SCN3A: variants seen among roughly 807,000 people sequenced by gnomAD.
The protein encoded by SCN3A is sodium channel protein type 3 subunit alpha.
SCN3A carries 60 observed loss-of-function variants against 187.6 expected under a neutral mutation model. The ratio of observed to expected loss-of-function variants is 0.32; its 90% CI spans 0.26 to 0.40. The LOEUF (loss-of-function observed/expected upper bound fraction) is 0.40, where lower values mean the gene tolerates loss of function less well. Ranked by LOEUF, SCN3A falls within the 10% of genes least tolerant of loss-of-function variation. The probability of loss-of-function intolerance (pLI) is 1.00; values close to 1 mark genes in which losing one functional copy is unlikely to be tolerated. For synonymous variants in SCN3A, 788 were observed against 829.2 expected, an observed-to-expected ratio of 0.95 and a Z score of 0.85; for missense variants, 1,601 against 2,428.2, an observed-to-expected ratio of 0.66 and a Z score of 7.16.
intron 18 of SCN3A, among the ~76,000 whole-genome samples, chr2:165,124,369 T>C (rs1465185710): frequency 6.6e-6 from 1 of 152,150 alleles, no homozygotes; most frequent in East Asian, 1.9e-4. Context: ...AATTAAGATA[T>C]TTACTTTCCA....
rs776441801 is a variant in SCN3A at position 165,090,833 on chromosome 2, A to G, written c.5320T>C (p.Phe1774Leu). The G allele has an allele frequency of 6.2e-7, 1 of 1,614,084 alleles. No individual in the cohort carries two copies. Among genetic ancestry groups the G allele is most frequent in the Admixed American group, 1.7e-5 (1 of 60,000 alleles). The part of the protein sequence containing the change: ...NMYIAVILEN[F>L]SVATEESAEP... ...GCACTTTCTTCAGTAGCAACACTGA[A>G]GTTCTCCAGGATGACCGCGATGTAC... The change falls in exon 28 of 28, where the codon TTC becomes CTC. Residue 1774 changes from phenylalanine to leucine, a missense_variant. This residue lies in a region of SCN3A where 3 missense variants were observed against 32.4 expected (regional missense o/e 0.09). Coordinates refer to ENST00000283254, the MANE Select transcript of SCN3A (RefSeq NM_006922.4). This position sits in a 1 kb window ranked among gnomAD's most constrained non-coding sequence, Gnocchi z 4.0.
At chr2:165,149,454 C>T (rs548533139) in intron 11 of SCN3A, among the ~76,000 whole-genome samples, 8 of 152,270 alleles carry the variant, frequency 5.3e-5, no homozygotes, top group South Asian at 2.1e-4. Flanking sequence ...GGATTACAGG[C>T]GCGAGCCACC....
In SCN3A at chr2:165,137,895, A is replaced by G; in HGVS notation, c.2375T>C (p.Leu792Ser). The G allele has an allele frequency of 6.2e-7, 1 of 1,612,276 alleles. No individual in the cohort carries two copies. Among genetic ancestry groups the G allele is most frequent in the Non-Finnish European group, 8.5e-7 (1 of 1,178,416 alleles). The change falls in exon 15 of 28, where the codon TTG (leucine) becomes TCG (serine). Residue 792 changes from leucine (L) to serine (S), a missense_variant. By Grantham distance (145) the Leu-to-Ser change is moderately radical. This residue lies in a region of SCN3A where 376 missense variants were observed against 476.0 expected (regional missense o/e 0.79). Coordinates refer to ENST00000283254, the MANE Select transcript of SCN3A (RefSeq NM_006922.4). ...TGTACTTACCAGGTTTCCTACAGTC[A>G]ACACACTACTGAATTGCTCAGTCAT... ...YPMTEQFSSV[L>S]TVGNLVFTGI... is the part of the protein sequence containing the mutation.
At chr2:165,096,927 G>A (rs1237243440) in intron 23 of SCN3A, among the ~76,000 whole-genome samples, 1 of 152,012 alleles carries the variant, frequency 6.6e-6, no homozygotes, top group Non-Finnish European at 1.5e-5. Flanking sequence ...AATATGCATT[G>A]TTATTTTAGT....
chr2:165,194,597 A>C (rs1691826821), intron 1 of SCN3A, among the ~76,000 whole-genome samples: 1 of 152,132 alleles, frequency 6.6e-6, no homozygotes, highest in African/African-American at 2.4e-5. Flanking sequence ...TATAACTTGA[A>C]GATCAGTTGC....
At chr2:165,107,018 A>T (rs577261027) in intron 21 of SCN3A, among the ~76,000 whole-genome samples, 5 of 152,182 alleles carry the variant, frequency 3.3e-5, no homozygotes, top group Non-Finnish European at 7.4e-5. Flanking sequence ...AGAAAGGCTG[A>T]AGATGACATC....
At chr2:165,187,412 C>T (rs1691313460) in intron 1 of SCN3A, among the ~76,000 whole-genome samples, 3 of 152,094 alleles carry the variant, frequency 2.0e-5, no homozygotes, top group Admixed American at 1.3e-4. Context: ...TTTCAAAGGG[C>T]AATATATATA....
chr2:165,152,426 T>C (rs1688739724), intron 11 of SCN3A, among the ~76,000 whole-genome samples: 1 of 152,150 alleles, frequency 6.6e-6, no homozygotes, highest in Non-Finnish European at 1.5e-5. Flanking sequence ...AAAGAAAAGA[T>C]AATTGACTTG....
At chr2:165,134,291 G>T (rs1032755076) in intron 15 of SCN3A, among the ~76,000 whole-genome samples, 14 of 152,192 alleles carry the variant, frequency 9.2e-5, no homozygotes, top group Admixed American at 5.2e-4. Context: ...TACTCTTGCA[G>T]AAAATCTTTT....
chr2:165,193,047 TTTC>T (rs1691711988), intron 1 of SCN3A, among the ~76,000 whole-genome samples: 1 of 151,926 alleles, frequency 6.6e-6, no homozygotes, highest in South Asian at 2.1e-4. Context: ...ATCTTATTGT[TTTC>T]TTTTTTTGAT....
chr2:165,149,127 A>G (rs1452349946), intron 11 of SCN3A, among the ~76,000 whole-genome samples: 3 of 152,130 alleles, frequency 2.0e-5, no homozygotes, highest in East Asian at 1.9e-4. Flanking sequence ...AGTGGTGGTA[A>G]TAGTCCCTTA....
At chr2:165,141,926 T>C (rs1288808101) in intron 12 of SCN3A, among the ~76,000 whole-genome samples, 1 of 152,220 alleles carries the variant, frequency 6.6e-6, no homozygotes, top group African/African-American at 2.4e-5. Flanking sequence ...AGCAAACTAT[T>C]TCCTAGTACC....
rs1020524034 is a variant in SCN3A at position 165,131,648 on chromosome 2, TGTGCAGGTTA to T, written c.2392-241_2392-232del. On this transcript the variant is annotated intron_variant, in intron 15 of 27. Coordinates refer to ENST00000283254, the MANE Select transcript of SCN3A (RefSeq NM_006922.4). ...TAAGTTTGAGGGTACATGTGTACAA[TGTGCAGGTTA>T]GTTACATATGTATACCTGTGCCATG... is the stretch of plus-strand genomic sequence containing the variant. Among the ~76,000 whole-genome samples the T allele has an allele frequency of 9.2e-5, 14 of 151,948 alleles. No homozygotes were observed. In the East Asian group the frequency reaches 2.5e-3, roughly 27 times the overall value.
chr2:165,101,179 T>G (rs777329988), intron 21 of SCN3A, among the ~76,000 whole-genome samples: 2 of 152,144 alleles, frequency 1.3e-5, no homozygotes, highest in Non-Finnish European at 2.9e-5. Flanking sequence ...GATTTTGGAT[T>G]TTTCGATTAG....
rs758954102 is a variant in SCN3A at position 165,128,075 on chromosome 2, C to T, written c.2949G>A (p.Leu983=). 88 of 1,611,528 alleles carry T rather than the reference C, an allele frequency of 5.5e-5. No homozygotes were observed. The East Asian group carries it at 2.0e-3, about 36-fold the overall frequency. The change falls in exon 18 of 28, where the codon TTG becomes TTA. Residue 983 remains leucine (L), a synonymous_variant. Coordinates refer to ENST00000283254, the MANE Select transcript of SCN3A (RefSeq NM_006922.4). ...LVVLNLFLAL[L]LSSFSSDNLA... ...GGTTGTCTGAGCTAAATGAACTCAA[C>T]AATAAGGCCAGAAAGAGGTTCAGAA... is the stretch of plus-strand genomic sequence containing the variant.
At chr2:165,190,427 G>C (rs1559279347) in intron 1 of SCN3A, among the ~76,000 whole-genome samples, 1 of 151,222 alleles carries the variant, frequency 6.6e-6, no homozygotes, top group Admixed American at 6.6e-5. Context: ...TTAGCCTACA[G>C]TCCTTAACAG....
At chr2:165,094,501 G>T in intron 25 of SCN3A, 23 bp from the exon 26 acceptor site, 2 of 1,489,748 alleles carry the variant, frequency 1.3e-6, no homozygotes, top group Non-Finnish European at 1.9e-6. Flanking sequence ...TATAAAACTG[G>T]TTACAATTCT....
chr2:165,110,798 T>C (rs189342459), intron 21 of SCN3A, among the ~76,000 whole-genome samples: 18 of 152,292 alleles, frequency 1.2e-4, no homozygotes, highest in Non-Finnish European at 2.2e-4. Context: ...TTTGACTCAC[T>C]AAAAGCAAAG....
chr2:165,112,545 T>C (rs1686172635), intron 21 of SCN3A, among the ~76,000 whole-genome samples: 1 of 152,238 alleles, frequency 6.6e-6, no homozygotes. Context: ...GTTTGTTTTT[T>C]TAAACTGAAC....
Sources: allele counts gnomAD v4.1 joint callset (sites outside exome capture counted in the v4.1 genomes callset), GRCh38; gene constraint gnomAD v4.1.1; regional missense constraint gnomAD v4.1.1; non-coding constraint Gnocchi (gnomAD v3.1); transcripts MANE v1.5; gene names NCBI Gene and HGNC (gene_info 2026-07-23, HGNC 2026-07-21).